The following ARFIP1 variants were observed in gnomAD, a reference collection of about 807,000 sequenced individuals.
The protein encoded by ARFIP1 is arfaptin-1.
A neutral mutation model predicts 42.5 loss-of-function variants in ARFIP1; 24 were observed. That is an observed-to-expected ratio of 0.57 (90% CI 0.41 to 0.80). The LOEUF (loss-of-function observed/expected upper bound fraction) is 0.80. Ranked by LOEUF, ARFIP1 falls within the 30% of genes least tolerant of loss-of-function variation. The pLI is 0.00. For missense variants in ARFIP1, 354 were observed against 434.0 expected, an observed-to-expected ratio of 0.82 and a Z score of 1.64; for synonymous variants, 141 against 153.7, an observed-to-expected ratio of 0.92 and a Z score of 0.61.
At chr4:152,809,354 A>G (rs770778289) in intron 1 of ARFIP1, among the ~76,000 whole-genome samples, 51 of 152,116 alleles carry the variant, frequency 3.4e-4, no homozygotes, top group Admixed American at 3.3e-4. Context: ...AAAGTCCATC[A>G]TTAGGTTAAT....
intron 8 of ARFIP1, among the ~76,000 whole-genome samples, chr4:152,896,548 A>G (rs964435438): frequency 2.6e-5 from 4 of 152,156 alleles, no homozygotes; most frequent in African/African-American, 9.7e-5. Flanking sequence ...ATGTATAATC[A>G]TATTTTCTTG....
At chr4:152,889,681 A>G (rs1375360589) in intron 8 of ARFIP1, among the ~76,000 whole-genome samples, 2 of 129,766 alleles carry the variant, frequency 1.5e-5, no homozygotes, top group Non-Finnish European at 3.1e-5. Context: ...TATACTATAT[A>G]ATATATATAT....
intron 2 of ARFIP1, among the ~76,000 whole-genome samples, chr4:152,858,171 A>G (rs1733593630): frequency 6.6e-6 from 1 of 152,128 alleles, no homozygotes; most frequent in Non-Finnish European, 1.5e-5. Flanking sequence ...GCATGTCTGT[A>G]ATCCCAGCTA....
At chr4:152,820,054 T>C (rs1730237887) in intron 1 of ARFIP1, among the ~76,000 whole-genome samples, 1 of 152,100 alleles carries the variant, frequency 6.6e-6, no homozygotes, top group African/African-American at 2.4e-5. Flanking sequence ...TCTGAATAGC[T>C]GGAACACTGG....
At chr4:152,853,603 A>G (rs924474516) in intron 2 of ARFIP1, among the ~76,000 whole-genome samples, 7 of 152,066 alleles carry the variant, frequency 4.6e-5, no homozygotes, top group African/African-American at 1.4e-4. Context: ...TTGACTTTAG[A>G]CTTTTTGACT....
intron 1 of ARFIP1, among the ~76,000 whole-genome samples, chr4:152,790,270 A>G (rs1731070124): frequency 6.6e-6 from 1 of 152,252 alleles, no homozygotes; most frequent in Admixed American, 6.5e-5. Flanking sequence ...GCTAAGGGAC[A>G]AAAGCAGTTC....
chr4:152,903,417 G>A (rs183493503), intron 8 of ARFIP1, among the ~76,000 whole-genome samples: 1 of 150,306 alleles, frequency 6.7e-6, no homozygotes, highest in Non-Finnish European at 1.5e-5. Context: ...AGAACAATTC[G>A]CTTTTTAGAA....
At chr4:152,899,747 A>G (rs1349047140) in intron 8 of ARFIP1, among the ~76,000 whole-genome samples, 1 of 152,184 alleles carries the variant, frequency 6.6e-6, no homozygotes, top group Non-Finnish European at 1.5e-5. Flanking sequence ...TACATTGAGT[A>G]TTGAGTTAGT....
intron 1 of ARFIP1, among the ~76,000 whole-genome samples, chr4:152,791,420 C>T (rs2149815929): frequency 1.3e-5 from 2 of 152,226 alleles, no homozygotes; most frequent in Middle Eastern, 6.8e-3. Context: ...TGTATGGTAA[C>T]TCAATTTTTT....
At chr4:152,784,155 C>G (rs1019517203) in intron 1 of ARFIP1, among the ~76,000 whole-genome samples, 1 of 152,088 alleles carries the variant, frequency 6.6e-6, no homozygotes, top group Non-Finnish European at 1.5e-5. Context: ...GTGAGTTGTT[C>G]CACTTAATAT....
chr4:152,852,464 C>G (rs546044719), intron 2 of ARFIP1, among the ~76,000 whole-genome samples: 9 of 152,198 alleles, frequency 5.9e-5, no homozygotes, highest in Admixed American at 5.9e-4. Flanking sequence ...AACCCTGTCT[C>G]TACTAAAATA....
At chr4:152,866,781 G>A (rs1734413549) in intron 3 of ARFIP1, among the ~76,000 whole-genome samples, 1 of 151,862 alleles carries the variant, frequency 6.6e-6, no homozygotes, top group Non-Finnish European at 1.5e-5. Flanking sequence ...CTTCTCAGAC[G>A]GGGCTGCTGG....
intron 3 of ARFIP1, among the ~76,000 whole-genome samples, chr4:152,865,840 TAAAA>T (rs966367083): frequency 3.3e-5 from 5 of 152,160 alleles, no homozygotes; most frequent in East Asian, 1.9e-4. Flanking sequence ...CAACATAGAA[TAAAA>T]AACTAATTTT....
intron 3 of ARFIP1, among the ~76,000 whole-genome samples, chr4:152,868,134 A>G (rs981123599): frequency 9.2e-5 from 14 of 152,340 alleles, no homozygotes; most frequent in African/African-American, 3.4e-4. Context: ...ATCTAGAGCA[A>G]ATTAAAAAGT....
chr4:152,832,875 A>G (rs1327856690), intron 2 of ARFIP1, among the ~76,000 whole-genome samples: 1 of 152,212 alleles, frequency 6.6e-6, no homozygotes, highest in Non-Finnish European at 1.5e-5. Flanking sequence ...TCTTTATCTT[A>G]CACCATACAC....
chr4:152,782,718 C>T (rs1730576172), intron 1 of ARFIP1, among the ~76,000 whole-genome samples: 1 of 152,178 alleles, frequency 6.6e-6, no homozygotes, highest in Non-Finnish European at 1.5e-5. Context: ...CCTTTCCCTC[C>T]ATTCTGTATG....
intron 7 of ARFIP1, among the ~76,000 whole-genome samples, chr4:152,886,405 C>T (rs1333709259): frequency 1.3e-5 from 2 of 151,946 alleles, no homozygotes; most frequent in African/African-American, 4.8e-5. Flanking sequence ...TAATTCCTTC[C>T]ATTGTCATGT....
intron 8 of ARFIP1, among the ~76,000 whole-genome samples, chr4:152,892,925 T>C (rs912408877): frequency 6.6e-6 from 1 of 152,250 alleles, no homozygotes; most frequent in Non-Finnish European, 1.5e-5. Context: ...CTTTCATCAG[T>C]ATTTCTTCTT....
intron 2 of ARFIP1, among the ~76,000 whole-genome samples, chr4:152,836,653 C>T (rs948160711): frequency 2.0e-5 from 3 of 152,132 alleles, no homozygotes; most frequent in African/African-American, 4.8e-5. Context: ...CAGCTTTGTT[C>T]TTTGAGGTTG....
Sources: allele counts gnomAD v4.1 joint callset (sites outside exome capture counted in the v4.1 genomes callset), GRCh38; gene constraint gnomAD v4.1.1; transcripts MANE v1.5; gene names NCBI Gene and HGNC (gene_info 2026-07-23, HGNC 2026-07-21).